The following MTUS2 variants were observed in gnomAD, a reference collection of about 807,000 sequenced individuals.
The protein encoded by MTUS2 is microtubule associated scaffold protein 2, also known as microtubule-associated tumor suppressor candidate 2.
MTUS2 carries 40 observed loss-of-function variants against 114.1 expected under a neutral mutation model. The observed-to-expected ratio is 0.35, with a 90% CI of 0.27 to 0.46. The LOEUF (loss-of-function observed/expected upper bound fraction) is 0.46. Among genes scored for constraint, MTUS2 ranks in the 20% least tolerant of loss-of-function variants. The pLI is 1.00. For missense variants in MTUS2, 1,679 were observed against 1,705.4 expected (o/e 0.98, Z 0.27); for synonymous variants, 688 against 672.0 (o/e 1.02, Z -0.37).
intron 2 of MTUS2, among the ~76,000 whole-genome samples, chr13:28,987,350 A>G (rs1056363660): frequency 1.3e-5 from 2 of 152,162 alleles, no homozygotes; most frequent in African/African-American, 4.8e-5. Flanking sequence ...GTCGCATTGC[A>G]CAGTGGCACC....
At chr13:29,310,953 C>A (rs1199440545) in intron 6 of MTUS2, among the ~76,000 whole-genome samples, 1 of 152,052 alleles carries the variant, frequency 6.6e-6, no homozygotes, top group Non-Finnish European at 1.5e-5. Context: ...TCATAATGGC[C>A]AAAAACTAGA....
chr13:29,018,468 A>G (rs1041911406), intron 2 of MTUS2, among the ~76,000 whole-genome samples: 1 of 151,600 alleles, frequency 6.6e-6, no homozygotes, highest in Non-Finnish European at 1.5e-5. Context: ...ATTTCACTTC[A>G]TGATTTAGAA....
At chr13:28,959,202 A>T (rs1320889767) in intron 2 of MTUS2, among the ~76,000 whole-genome samples, 1 of 152,140 alleles carries the variant, frequency 6.6e-6, no homozygotes, top group Non-Finnish European at 1.5e-5. Flanking sequence ...TAAGACAGGA[A>T]ACTTCTCTGA....
intron 7 of MTUS2, among the ~76,000 whole-genome samples, chr13:29,350,594 G>A (rs1039373411): frequency 1.3e-5 from 2 of 152,024 alleles, no homozygotes; most frequent in East Asian, 1.9e-4. Context: ...AGATAGTCAT[G>A]AGAGTGGTAT....
At chr13:28,884,080 G>C (rs780075853) in intron 2 of MTUS2, among the ~76,000 whole-genome samples, 1 of 151,978 alleles carries the variant, frequency 6.6e-6, no homozygotes, top group African/African-American at 2.4e-5. Context: ...TGGAAAGCAG[G>C]GATTCAAATA....
At chr13:28,849,665 A>G (rs1431114112) in intron 2 of MTUS2, among the ~76,000 whole-genome samples, 1 of 152,054 alleles carries the variant, frequency 6.6e-6, no homozygotes, top group Non-Finnish European at 1.5e-5. Flanking sequence ...GGGAAAGCCA[A>G]GTGCTTGACT....
chr13:28,920,281 C>T (rs1170805291), intron 2 of MTUS2, among the ~76,000 whole-genome samples: 3 of 152,188 alleles, frequency 2.0e-5, no homozygotes, highest in Non-Finnish European at 2.9e-5. Flanking sequence ...AGGACTTGGG[C>T]CTCAAACCCA....
intron 5 of MTUS2, among the ~76,000 whole-genome samples, chr13:29,168,045 C>T (rs540904770): frequency 6.6e-6 from 1 of 152,248 alleles, no homozygotes; most frequent in Admixed American, 6.5e-5. Context: ...GCTGACATTT[C>T]ATGTATCTTT....
At chr13:29,254,867 A>G (rs1897243522) in intron 5 of MTUS2, among the ~76,000 whole-genome samples, 1 of 152,214 alleles carries the variant, frequency 6.6e-6, no homozygotes, top group South Asian at 2.1e-4. Flanking sequence ...CAGCCATGCT[A>G]GTAATCAACT....
chr13:28,851,949 A>G (rs1056009836), intron 2 of MTUS2, among the ~76,000 whole-genome samples: 3 of 152,048 alleles, frequency 2.0e-5, no homozygotes, highest in Admixed American at 2.0e-4. Context: ...AACCTAAATG[A>G]GATGATAGCA....
intron 5 of MTUS2, among the ~76,000 whole-genome samples, chr13:29,242,173 C>T (rs185173802): frequency 5.3e-5 from 8 of 152,254 alleles, no homozygotes; most frequent in Admixed American, 2.6e-4. Flanking sequence ...AGTGGTTCAA[C>T]CATAACCATA....
At chr13:29,435,618 G>A (rs1877347972) in intron 8 of MTUS2, among the ~76,000 whole-genome samples, 1 of 152,188 alleles carries the variant, frequency 6.6e-6, no homozygotes, top group Non-Finnish European at 1.5e-5. Flanking sequence ...GCAGTAAATG[G>A]AAGATTCCTT....
At chr13:29,403,835 A>T (rs1418373062) in intron 8 of MTUS2, among the ~76,000 whole-genome samples, 1 of 151,848 alleles carries the variant, frequency 6.6e-6, no homozygotes, top group South Asian at 2.1e-4. Flanking sequence ...TATTCTTTCG[A>T]TCCATCTATC....
intron 1 of MTUS2, among the ~76,000 whole-genome samples, chr13:28,829,987 G>A (rs567535831): frequency 6.6e-6 from 1 of 152,214 alleles, no homozygotes; most frequent in Non-Finnish European, 1.5e-5. Flanking sequence ...ACTACCTGCT[G>A]GAGTGTTAAA....
At chr13:29,232,348 A>G (rs1896368163) in intron 5 of MTUS2, among the ~76,000 whole-genome samples, 1 of 151,860 alleles carries the variant, frequency 6.6e-6, no homozygotes, top group African/African-American at 2.4e-5. Context: ...ATGGGCACAC[A>G]CATGTATATT....
chr13:28,963,923 TC>T (rs1479630422), intron 2 of MTUS2, among the ~76,000 whole-genome samples: 2 of 152,040 alleles, frequency 1.3e-5, no homozygotes, highest in African/African-American at 4.8e-5. Context: ...CTTCCCAGTC[TC>T]CCCCCAGCCT....
intron 9 of MTUS2, among the ~76,000 whole-genome samples, chr13:29,462,103 C>G (rs1485087186): frequency 6.6e-6 from 1 of 152,230 alleles, no homozygotes; most frequent in Non-Finnish European, 1.5e-5. Context: ...CTGGGTCCCA[C>G]CTCCAGTGTT....
At chr13:29,154,707 G>A (rs1015294074) in intron 5 of MTUS2, among the ~76,000 whole-genome samples, 2 of 152,132 alleles carry the variant, frequency 1.3e-5, no homozygotes, top group African/African-American at 4.8e-5. Flanking sequence ...TTACATAATT[G>A]TTTGACAGAT....
At chr13:29,356,938 A>T (rs1869790539) in intron 7 of MTUS2, among the ~76,000 whole-genome samples, 1 of 152,176 alleles carries the variant, frequency 6.6e-6, no homozygotes, top group African/African-American at 2.4e-5. Context: ...TGGTGTGTTG[A>T]TCCCAAAAGT....
Sources: gnomAD v4.1 joint callset for allele counts (sites outside exome capture counted in the v4.1 genomes callset) on GRCh38, gnomAD v4.1.1 for gene constraint, MANE v1.5 for transcripts, NCBI Gene and HGNC (gene_info 2026-07-23, HGNC 2026-07-21) for gene names.